LIN28B: variants seen among roughly 807,000 people sequenced by gnomAD.
LIN28B encodes the protein protein lin-28 homolog B.
Under a neutral mutation model 21.9 loss-of-function variants are expected in LIN28B, and 5 were observed. The observed-to-expected ratio is 0.23, with a 90% CI of 0.12 to 0.48. The LOEUF (loss-of-function observed/expected upper bound fraction) is 0.48. Among genes scored for constraint, LIN28B ranks in the 20% least tolerant of loss-of-function variants. The pLI is 0.98. For missense variants in LIN28B, 245 were observed against 310.5 expected (o/e 0.79, Z 1.58); for synonymous variants, 109 against 111.3 (o/e 0.98, Z 0.13).
intron 2 of LIN28B, among the ~76,000 whole-genome samples, chr6:104,977,091 C>A (rs1405668250): frequency 6.6e-6 from 1 of 151,804 alleles, no homozygotes; most frequent in Non-Finnish European, 1.5e-5. Context: ...GTGACATGAT[C>A]ATAGCTCACT....
intron 2 of LIN28B, among the ~76,000 whole-genome samples, chr6:104,967,774 G>A (rs955807027): frequency 6.6e-6 from 1 of 151,882 alleles, no homozygotes; most frequent in African/African-American, 2.4e-5. Flanking sequence ...CGAACTCCTG[G>A]CTCAAGCAAT....
upstream of LIN28B, among the ~76,000 whole-genome samples, chr6:104,955,370 G>C (rs1778272155): frequency 1.3e-5 from 2 of 151,428 alleles, no homozygotes; most frequent in African/African-American, 4.9e-5. Context: ...TAAATAAAAT[G>C]AGAAAGTAGC....
chr6:105,015,324 T>G (rs1044929660), intron 2 of LIN28B, among the ~76,000 whole-genome samples: 5 of 152,226 alleles, frequency 3.3e-5, no homozygotes, highest in Admixed American at 3.3e-4. Context: ...AAGTCTACTT[T>G]TAGTAATATA....
At chr6:105,069,587 C>T (rs1772291692) in intron 3 of LIN28B, among the ~76,000 whole-genome samples, 1 of 151,434 alleles carries the variant, frequency 6.6e-6, no homozygotes, top group African/African-American at 2.4e-5. Flanking sequence ...AAAAATTAGC[C>T]AAGCATGTTG....
intron 2 of LIN28B, among the ~76,000 whole-genome samples, chr6:104,947,412 C>T (rs1778169102): frequency 6.6e-6 from 1 of 152,222 alleles, no homozygotes; most frequent in Admixed American, 6.5e-5. Flanking sequence ...GCATGAGCCA[C>T]CACACCAGCT....
intron 2 of LIN28B, among the ~76,000 whole-genome samples, chr6:104,977,036 A>ATT (rs199621542): frequency 4.7e-5 from 7 of 149,586 alleles, no homozygotes; most frequent in African/African-American, 1.7e-4. Flanking sequence ...CCTTATTTTT[A>ATT]TTTTTTTTTT....
intron 2 of LIN28B, among the ~76,000 whole-genome samples, chr6:104,978,119 A>G (rs1315678580): frequency 6.6e-6 from 1 of 152,250 alleles, no homozygotes; most frequent in Non-Finnish European, 1.5e-5. Flanking sequence ...TATATACGGT[A>G]AACTGTAGAA....
intron 2 of LIN28B, among the ~76,000 whole-genome samples, chr6:105,021,081 G>A (rs1447969442): frequency 2.0e-5 from 3 of 151,940 alleles, no homozygotes; most frequent in South Asian, 4.2e-4. Context: ...ACATCCATGC[G>A]TACAAATTTT....
chr6:105,033,713 T>C (rs1771469818), intron 3 of LIN28B, among the ~76,000 whole-genome samples: 3 of 151,934 alleles, frequency 2.0e-5, no homozygotes, highest in African/African-American at 4.8e-5. Flanking sequence ...TGAAGATTGT[T>C]AATAAAAAAT....
At chr6:105,021,046 C>T (rs1771130867) in intron 2 of LIN28B, among the ~76,000 whole-genome samples, 1 of 152,106 alleles carries the variant, frequency 6.6e-6, no homozygotes, top group Non-Finnish European at 1.5e-5. Context: ...TGAGCCACCG[C>T]GCCTGGCCTA....
intron 2 of LIN28B, among the ~76,000 whole-genome samples, chr6:104,998,518 T>C (rs1250960082): frequency 1.3e-5 from 2 of 152,146 alleles, no homozygotes; most frequent in African/African-American, 4.8e-5. Flanking sequence ...ATTTAACTAC[T>C]TTTTTCTCTC....
chr6:104,979,216 T>A (rs2114602468), intron 2 of LIN28B, among the ~76,000 whole-genome samples: 1 of 144,618 alleles, frequency 6.9e-6, no homozygotes, highest in Middle Eastern at 3.6e-3. Context: ...TTTAATTTAA[T>A]TTTTTTTTTT....
intron 2 of LIN28B, among the ~76,000 whole-genome samples, chr6:104,942,540 G>A (rs1304512779): frequency 1.3e-5 from 2 of 150,870 alleles, no homozygotes; most frequent in Non-Finnish European, 3.0e-5. Flanking sequence ...TTCTTCTGCT[G>A]TGAATTTGCA....
chr6:105,053,329 T>C (rs140245150), intron 3 of LIN28B, among the ~76,000 whole-genome samples: 2 of 152,164 alleles, frequency 1.3e-5, no homozygotes, highest in East Asian at 1.9e-4. Flanking sequence ...CATGGTTCTA[T>C]AGTGTTAATT....
At chr6:104,949,680 C>T (rs974225996) in intron 2 of LIN28B, among the ~76,000 whole-genome samples, 1 of 152,058 alleles carries the variant, frequency 6.6e-6, no homozygotes. Context: ...TTTTGCAAAC[C>T]TTAATAACTG....
At chr6:105,027,412 A>G (rs1771309135) in intron 3 of LIN28B, among the ~76,000 whole-genome samples, 1 of 151,982 alleles carries the variant, frequency 6.6e-6, no homozygotes, top group East Asian at 1.9e-4. Flanking sequence ...GAGGTTGAAT[A>G]TATTTTATAT....
At chr6:104,965,299 G>A (rs1042158977) in intron 2 of LIN28B, among the ~76,000 whole-genome samples, 1 of 152,178 alleles carries the variant, frequency 6.6e-6, no homozygotes, top group African/African-American at 2.4e-5. Flanking sequence ...GGAGGCTGAG[G>A]CTGGCAGATT....
At chr6:104,969,552 C>A in intron 2 of LIN28B, among the ~76,000 whole-genome samples, 1 of 152,138 alleles carries the variant, frequency 6.6e-6, no homozygotes, top group East Asian at 1.9e-4. Flanking sequence ...TTGGGACTCT[C>A]CATGGGTTAA....
Position 105,069,230 on chromosome 6 carries a change from AAAAC to A in LIN28B, c.384-9176_384-9173del, listed in dbSNP as rs1177067058. ...GAGACCCTGTCTCAAAAAGCAAAAC[AAAAC>A]AAACAAAAAAACAGAATTTGGCCAT... On this transcript the variant is annotated intron_variant, in intron 3 of 3. Coordinates refer to ENST00000345080, the MANE Select transcript of LIN28B (RefSeq NM_001004317.4). 3.9e-5 allele frequency among the ~76,000 whole-genome samples: 6 copies of A among 152,314 alleles called. No individual in the cohort carries two copies. In the South Asian group the frequency reaches 8.3e-4, roughly 21 times the overall value.
Sources: gnomAD v4.1 joint callset for allele counts (sites outside exome capture counted in the v4.1 genomes callset) on GRCh38, gnomAD v4.1.1 for gene constraint, MANE v1.5 for transcripts, NCBI Gene and HGNC (gene_info 2026-07-23, HGNC 2026-07-21) for gene names.